The following KIF11 variants were observed in gnomAD, a reference collection of about 807,000 sequenced individuals.
The protein encoded by KIF11 is kinesin family member 11.
A neutral mutation model predicts 121.0 loss-of-function variants in KIF11; 9 were observed. That is an observed-to-expected ratio of 0.07 (90% CI 0.04 to 0.13). The LOEUF (loss-of-function observed/expected upper bound fraction) is 0.13. Among genes scored for constraint, KIF11 ranks in the 10% least tolerant of loss-of-function variants. KIF11 has a pLI of 1.00. For missense variants in KIF11, 846 were observed against 1,217.5 expected (o/e 0.69, Z 4.54); for synonymous variants, 408 against 421.0 (o/e 0.97, Z 0.38).
At chr10:92,622,686 A>G (rs1452791947) in intron 10 of KIF11, among the ~76,000 whole-genome samples, 3 of 152,152 alleles carry the variant, frequency 2.0e-5, no homozygotes, top group Admixed American at 2.0e-4. Context: ...AAAGCTGGGA[A>G]GTTGACCTTG....
intron 6 of KIF11, among the ~76,000 whole-genome samples, chr10:92,609,854 AGCCTCT>A (rs890994150): frequency 2.6e-5 from 4 of 152,088 alleles, no homozygotes; most frequent in Admixed American, 1.3e-4. Flanking sequence ...CTCCTGCCTC[AGCCTCT>A]TGAGTAGCTG....
intron 10 of KIF11, among the ~76,000 whole-genome samples, chr10:92,623,889 T>C (rs534600153): frequency 6.6e-6 from 1 of 151,702 alleles, no homozygotes; most frequent in Non-Finnish European, 1.5e-5. Flanking sequence ...TTTGCTCTCT[T>C]TTTTTTTAAC....
intron 10 of KIF11, among the ~76,000 whole-genome samples, chr10:92,623,252 G>A (rs1210243553): frequency 6.6e-6 from 1 of 152,004 alleles, no homozygotes; most frequent in Non-Finnish European, 1.5e-5. Context: ...CTAACCCCTG[G>A]CAACCACTAA....
At chr10:92,610,905 A>G (rs1320714463) in intron 6 of KIF11, among the ~76,000 whole-genome samples, 1 of 152,332 alleles carries the variant, frequency 6.6e-6, no homozygotes, top group East Asian at 1.9e-4. Flanking sequence ...TTCCAATAAA[A>G]TGGAAATTTT....
chr10:92,647,589 A>G (rs929709306), intron 18 of KIF11, among the ~76,000 whole-genome samples: 6 of 152,146 alleles, frequency 3.9e-5, no homozygotes, highest in Non-Finnish European at 8.8e-5. Context: ...TAACCTTTTT[A>G]GATGTGATAG....
intron 1 of KIF11, among the ~76,000 whole-genome samples, chr10:92,598,645 A>G (rs1002468766): frequency 6.6e-6 from 1 of 152,208 alleles, no homozygotes; most frequent in Admixed American, 6.5e-5. Context: ...TGGGATTTTA[A>G]TAGGGATTAC....
intron 10 of KIF11, among the ~76,000 whole-genome samples, chr10:92,624,634 C>T (rs1330066064): frequency 6.6e-6 from 1 of 152,160 alleles, no homozygotes; most frequent in East Asian, 1.9e-4. Context: ...TAGGTTGATT[C>T]CACGTCTTTG....
At position 92,644,933 on chromosome 10, in the gene KIF11, C is replaced by T. The variant is rs74151673; in HGVS notation, c.2268-430C>T. On this transcript the variant is annotated intron_variant, in intron 17 of 21. Coordinates refer to ENST00000260731, the MANE Select transcript of KIF11 (RefSeq NM_004523.4). ...TAGAAAGCTTTATAGCTAATTTAAA[C>T]ATAACATTTGTAATGTTCATGATTT... Among the ~76,000 whole-genome samples the T allele has an allele frequency of 8.7e-3, 1,320 of 152,288 alleles. 20 individuals are homozygous for T. The highest frequency in any genetic ancestry group is 0.03 in the African/African-American group (1,256 of 41,558).
chr10:92,595,418 CTG>C (rs199567503), intron 1 of KIF11, among the ~76,000 whole-genome samples: 1,988 of 151,980 alleles, frequency 0.013, 48 homozygotes, highest in African/African-American at 0.044. Context: ...CACTTTAAAA[CTG>C]TAAAAATCAT....
Position 92,593,278 on chromosome 10 carries a change from G to A in KIF11, c.-98G>A. The A allele has an allele frequency of 2.3e-6, 3 of 1,286,226 alleles. No homozygotes were observed. Among genetic ancestry groups the A allele is most frequent in the South Asian group, 2.8e-5 (2 of 72,296 alleles). 79.7% of individuals were successfully genotyped at this position (1,286,226 alleles called of 1,614,324 possible). A position where few individuals can be genotyped will look rare whatever the true frequency, so the allele number is the denominator to read the frequency against. On this transcript the variant is annotated 5_prime_UTR_variant, in exon 1 of 22. Transcript: ENST00000260731. Reference sequence around the variant, plus strand: ...CCAGGCCACGCCAGCGCCCGAGAGGGACCAGGGAGACTCCGGCCCCTGTCG... The same window carrying A: ...CCAGGCCACGCCAGCGCCCGAGAGGAACCAGGGAGACTCCGGCCCCTGTCG...
Position 92,593,444 on chromosome 10 carries a change from G to A in KIF11, c.69G>A (p.Val23=). Reference sequence around the variant, plus strand: ...AGGGGAAGAACATCCAGGTGGTGGTGAGATGCAGGTAGGGAGAGGGCTGAC... The same window carrying A: ...AGGGGAAGAACATCCAGGTGGTGGTAAGATGCAGGTAGGGAGAGGGCTGAC... ...EEKGKNIQVV[V]RCRPFNLAER... is the part of the protein sequence containing the mutation. The change falls in exon 1 of 22, where the codon GTG becomes GTA. Residue 23 remains valine (V), a synonymous_variant. Transcript: ENST00000260731. 1 of 1,609,842 alleles carries A rather than the reference G, an allele frequency of 6.2e-7. No individual in the cohort carries two copies. Among genetic ancestry groups the A allele is most frequent in the Non-Finnish European group, 8.5e-7 (1 of 1,178,346 alleles).
At chr10:92,647,896 C>T (rs903133799) in intron 18 of KIF11, among the ~76,000 whole-genome samples, 2 of 152,038 alleles carry the variant, frequency 1.3e-5, no homozygotes, top group Non-Finnish European at 2.9e-5. Context: ...ATTGCTTGAG[C>T]CCAGGAGTTT....
intron 17 of KIF11, among the ~76,000 whole-genome samples, chr10:92,642,944 C>T (rs1031397316): frequency 6.6e-6 from 1 of 152,216 alleles, no homozygotes; most frequent in Non-Finnish European, 1.5e-5. Context: ...CAGAGTCTTG[C>T]TCTGTGGCCC....
intron 1 of KIF11, among the ~76,000 whole-genome samples, chr10:92,602,050 T>C (rs973924215): frequency 7.2e-5 from 11 of 152,206 alleles, no homozygotes; most frequent in Non-Finnish European, 1.5e-4. Context: ...ATTCTGTTAA[T>C]GTGGTATATT....
intron 12 of KIF11, 38 bp from the exon 13 acceptor site, chr10:92,632,448 G>A (rs377697222): frequency 2.0e-5 from 25 of 1,248,996 alleles, no homozygotes; most frequent in Admixed American, 1.4e-4. Flanking sequence ...TCCTTTCACC[G>A]TATCCATTTT....
In KIF11 at chr10:92,597,616, A is replaced by G. The variant is rs114823015; in HGVS notation, c.77+4164A>G. ...GCACTATGATGGAGAAAAGGAAGAT[A>G]AAGTCTTTTTTTTTCCCTTGGGTTT... On this transcript the variant is annotated intron_variant, in intron 1 of 21. Coordinates refer to ENST00000260731, the MANE Select transcript of KIF11 (RefSeq NM_004523.4). Among the ~76,000 whole-genome samples the G allele has an allele frequency of 2.7e-3, 402 of 151,540 alleles. 1 individual carries two copies. Among genetic ancestry groups the G allele is most frequent in the African/African-American group, 9.2e-3 (378 of 41,070 alleles).
chr10:92,596,297 C>T (rs1254322319), intron 1 of KIF11, among the ~76,000 whole-genome samples: 1 of 152,198 alleles, frequency 6.6e-6, no homozygotes, highest in Non-Finnish European at 1.5e-5. Context: ...GCTACGGAGC[C>T]CGGCCTTGAG....
At chr10:92,637,112 A>G (rs1401026596) in intron 14 of KIF11, 72 bp from the exon 15 acceptor site, 2 of 1,140,880 alleles carry the variant, frequency 1.8e-6, no homozygotes, top group Admixed American at 2.6e-5. Context: ...AGTATTTAAG[A>G]TATCATTTAG....
intron 17 of KIF11, among the ~76,000 whole-genome samples, chr10:92,640,222 G>T (rs1844850108): frequency 6.6e-6 from 1 of 152,168 alleles, no homozygotes; most frequent in Non-Finnish European, 1.5e-5. Flanking sequence ...AACTAGAGCA[G>T]GGTTTGGCAA....
Sources: gnomAD v4.1 joint callset for allele counts (sites outside exome capture counted in the v4.1 genomes callset) on GRCh38, gnomAD v4.1.1 for gene constraint, MANE v1.5 for transcripts, NCBI Gene and HGNC (gene_info 2026-07-23, HGNC 2026-07-21) for gene names.